CAPN1: variants seen among roughly 807,000 people sequenced by gnomAD.
CAPN1 encodes the protein calpain 1, also known as calpain-1 catalytic subunit.
Under a neutral mutation model 105.2 loss-of-function variants are expected in CAPN1, and 77 were observed. That is an observed-to-expected ratio of 0.73 (90% CI 0.61 to 0.88). CAPN1 has a LOEUF of 0.88. CAPN1 is among the 40% of genes least tolerant of loss of function. The pLI, the probability that CAPN1 is intolerant of heterozygous loss-of-function variation, is 0.00. For missense variants in CAPN1, 833 were observed against 976.6 expected (o/e 0.85, Z 1.96); for synonymous variants, 355 against 388.8 (o/e 0.91, Z 1.02).
intron 12 of CAPN1, 175 bp downstream of exon 12, chr11:65,205,896 G>C: frequency 1.5e-6 from 1 of 648,692 alleles, no homozygotes; most frequent in Non-Finnish European, 2.8e-6. Flanking sequence ...GCTCTCCTGA[G>C]GGTCAGCACA....
Position 65,208,669 on chromosome 11 carries a change from C to G in CAPN1, c.1729+407C>G, listed in dbSNP as rs1439332250. ...TGGCATGCACCTATAGTCCCAGCTA[C>G]TCAGGAGGCTGAGTTGGGAGGATGG... On this transcript the variant is annotated intron_variant, in intron 16 of 21. Coordinates refer to ENST00000279247, the MANE Select transcript of CAPN1 (RefSeq NM_005186.4). The surrounding 1 kb of genome is among the most constrained non-coding windows in gnomAD (Gnocchi z 4.1). 3.3e-6 allele frequency: 1 copy of G among 303,176 alleles called. No homozygotes were observed. The highest frequency in any genetic ancestry group is 6.4e-6 in the Non-Finnish European group (1 of 155,396). The allele number at this position is 303,176 out of a possible 1,614,324, so 18.8% of individuals were successfully genotyped here. A position where few individuals can be genotyped will look rare whatever the true frequency, so the allele number is the denominator to read the frequency against.
At position 65,188,212 on chromosome 11, in the gene CAPN1, CCT is replaced by C. The variant is rs1397205516; in HGVS notation, c.929+173_929+174del. 10 of 687,278 alleles carry C rather than the reference CCT, an allele frequency of 1.5e-5. No individual in the cohort carries two copies. The East Asian group carries it at 2.2e-4, about 15-fold the overall frequency. The allele number at this position is 687,278 out of a possible 1,614,324, so 42.6% of individuals were successfully genotyped here. A position where few individuals can be genotyped will look rare whatever the true frequency, so the allele number is the denominator to read the frequency against. ...TGACAAAGCTCAGGCCGTGCGGGCC[CCT>C]GTGCCCAGCCGTCGGGTGTGTGCAG... On this transcript the variant is annotated intron_variant, in intron 8 of 21. Coordinates refer to ENST00000279247, the MANE Select transcript of CAPN1 (RefSeq NM_005186.4). This position sits in a 1 kb window ranked among gnomAD's most constrained non-coding sequence, Gnocchi z 5.5.
chr11:65,186,299 G>A lies in CAPN1; in HGVS notation c.720G>A (p.Lys240=). The A allele has an allele frequency of 6.2e-7, 1 of 1,613,460 alleles. No homozygotes were observed. Among genetic ancestry groups the A allele is most frequent in the Non-Finnish European group, 8.5e-7 (1 of 1,179,646 alleles). ...GTGACCTCTACCAGATCATCCTCAA[G>A]GCGCTGGAGCGGGGCTCCCTGCTGG... ...APSDLYQIIL[K]ALERGSLLGC... is the part of the protein sequence containing the mutation. The change falls in exon 6 of 22, where the codon AAG becomes AAA. Residue 240 remains lysine, a synonymous_variant. Transcript: ENST00000279247.
chr11:65,184,798 G>C (rs1192509556), intron 4 of CAPN1, among the ~76,000 whole-genome samples: 3 of 152,112 alleles, frequency 2.0e-5, no homozygotes, highest in South Asian at 2.1e-4. Flanking sequence ...CCACCTCTCC[G>C]TGCCTGAGGA....
At chr11:65,189,256 G>A (rs1337285168) in intron 10 of CAPN1, among the ~76,000 whole-genome samples, 1 of 152,160 alleles carries the variant, frequency 6.6e-6, no homozygotes, top group Non-Finnish European at 1.5e-5. Flanking sequence ...CCTGACCTCA[G>A]GTGATCCGAC....
chr11:65,199,652 C>G (rs2137363826), intron 10 of CAPN1, among the ~76,000 whole-genome samples: 1 of 152,310 alleles, frequency 6.6e-6, no homozygotes, highest in African/African-American at 2.4e-5. Context: ...GTTGTTCCTT[C>G]AGCTCCTTTC....
At chr11:65,205,585 C>T in intron 11 of CAPN1, 125 bp from the exon 12 acceptor site, 1 of 917,886 alleles carries the variant, frequency 1.1e-6, no homozygotes, top group East Asian at 2.4e-5. Flanking sequence ...GTCCCCAGGG[C>T]CCTGCCTTCT....
At chr11:65,183,310 C>A in intron 3 of CAPN1, 113 bp downstream of exon 3, 4 of 1,193,002 alleles carry the variant, frequency 3.4e-6, no homozygotes, top group South Asian at 1.3e-5. Flanking sequence ...CAGGATCTGG[C>A]TATCAGCGCT....
In CAPN1 at chr11:65,206,507, G is replaced by A. The variant is rs1315703802; in HGVS notation, c.1398G>A (p.Leu466=). 1 of 1,613,392 alleles carries A rather than the reference G, an allele frequency of 6.2e-7. No homozygotes were observed. The highest frequency in any genetic ancestry group is 8.5e-7 in the Non-Finnish European group (1 of 1,179,874). The part of the protein sequence containing the change: ...PAVHLKRDFF[L]ANASRARSEQ... ...TACACTTGAAGCGTGACTTCTTCCT[G>A]GCCAATGCGTCTCGGGCGCGCTCAG... Residue 466 remains leucine, a synonymous_variant, in exon 13 of 22, where the codon CTG becomes CTA. Coordinates refer to ENST00000279247, the MANE Select transcript of CAPN1 (RefSeq NM_005186.4).
chr11:65,200,694 G>A (rs1040236759), intron 10 of CAPN1, among the ~76,000 whole-genome samples: 1 of 152,040 alleles, frequency 6.6e-6, no homozygotes, highest in Non-Finnish European at 1.5e-5. Flanking sequence ...AGGTTGGAGT[G>A]CAGTGGTGCA....
intron 1 of CAPN1, 163 bp from the exon 2 acceptor site, chr11:65,182,538 G>C (rs1006322612): frequency 1.5e-6 from 1 of 670,156 alleles, no homozygotes; most frequent in Non-Finnish European, 2.4e-6. Flanking sequence ...GGGAGCACCG[G>C]GAGGTGGCTG....
At position 65,208,781 on chromosome 11, in the gene CAPN1, A is replaced by G. The variant is rs1038723554; in HGVS notation, c.1729+519A>G. On this transcript the variant is annotated intron_variant, in intron 16 of 21. Transcript: ENST00000279247. The surrounding 1 kb of genome is among the most constrained non-coding windows in gnomAD (Gnocchi z 4.1). ...GGCAACAGAGCAAGACCCTGTCTCA[A>G]AAAAAAAAGCAGGAGCAGCACCTTA... 9.6e-6 allele frequency: 2 copies of G among 208,824 alleles called. No homozygotes were observed. Among genetic ancestry groups the G allele is most frequent in the African/African-American group, 4.6e-5 (2 of 43,124 alleles). 12.9% of individuals were successfully genotyped at this position (208,824 alleles called of 1,614,324 possible).
intron 2 of CAPN1, 29 bp from the exon 3 acceptor site, chr11:65,183,099 C>T (rs757635396): frequency 8.1e-6 from 13 of 1,613,100 alleles, no homozygotes; most frequent in Admixed American, 1.7e-5. Context: ...AGGGGCTGGC[C>T]GAGGAACAGG....
At chr11:65,190,061 A>C (rs1016179732) in intron 10 of CAPN1, among the ~76,000 whole-genome samples, 3 of 152,156 alleles carry the variant, frequency 2.0e-5, no homozygotes, top group African/African-American at 4.8e-5. Context: ...CGTCTGCTCC[A>C]GATCCCATTC....
In CAPN1 at chr11:65,186,018, C is replaced by G. The variant is rs915323030; in HGVS notation, c.558C>G (p.Phe186Leu). The G allele has an allele frequency of 1.2e-6, 2 of 1,610,882 alleles. No individual in the cohort carries two copies. Among genetic ancestry groups the G allele is most frequent in the Admixed American group, 1.7e-5 (1 of 59,470 alleles). The part of the protein sequence containing the change: ...VFVHSAEGNE[F>L]WSALLEKAYA... ...TGCACTCTGCCGAAGGCAACGAGTT[C>G]TGGAGCGCCCTGCTTGAGAAGGCCT... Residue 186 changes from phenylalanine (F) to leucine (L), a missense_variant, in exon 5 of 22, where the codon TTC becomes TTG. Coordinates refer to ENST00000279247, the MANE Select transcript of CAPN1 (RefSeq NM_005186.4).
At chr11:65,192,407 A>G (rs1436202821) in intron 10 of CAPN1, among the ~76,000 whole-genome samples, 2 of 152,146 alleles carry the variant, frequency 1.3e-5, no homozygotes, top group African/African-American at 4.8e-5. Context: ...GGTGGGAAGT[A>G]TCCTCTCTTT....
At chr11:65,202,414 TATTA>T (rs1366111995) in intron 10 of CAPN1, among the ~76,000 whole-genome samples, 1 of 152,124 alleles carries the variant, frequency 6.6e-6, no homozygotes, top group African/African-American at 2.4e-5. Context: ...TACTGAAGTA[TATTA>T]CGATTTTATT....
In CAPN1 at chr11:65,206,726, C is replaced by G. The variant is rs377200198; in HGVS notation, c.1565+52C>G. 3.1e-6 allele frequency: 5 copies of G among 1,610,808 alleles called. No individual in the cohort carries two copies. In the African/African-American group the frequency reaches 6.7e-5, roughly 21 times the overall value. On this transcript the variant is annotated intron_variant, in intron 13 of 21. Transcript: ENST00000279247. ...TCTCCCCTCTCCCAGCCTCCCCTCTCAGGCCCTCTGCTGTCCCCCTCTGAC... is the reference window on the plus strand; with the variant it reads ...TCTCCCCTCTCCCAGCCTCCCCTCTGAGGCCCTCTGCTGTCCCCCTCTGAC...
chr11:65,209,884 C>T lies in CAPN1; in HGVS notation c.1830C>T (p.Phe610=). ...ATGGGAAGCTGGGCCTGGTGGAGTT[C>T]AACATCCTGTGGAACCGCATCCGGA... The part of the protein sequence containing the change: ...DGNGKLGLVE[F]NILWNRIRNY... The change falls in exon 18 of 22, where the codon TTC becomes TTT. Residue 610 remains phenylalanine, a synonymous_variant. Coordinates refer to ENST00000279247, the MANE Select transcript of CAPN1 (RefSeq NM_005186.4). The surrounding 1 kb of genome is among the most constrained non-coding windows in gnomAD (Gnocchi z 4.1). The T allele has an allele frequency of 6.2e-7, 1 of 1,613,710 alleles. No homozygotes were observed.
Sources: gnomAD v4.1 joint callset for allele counts (sites outside exome capture counted in the v4.1 genomes callset) on GRCh38, gnomAD v4.1.1 for gene constraint, Gnocchi (gnomAD v3.1) non-coding constraint, MANE v1.5 for transcripts, NCBI Gene and HGNC (gene_info 2026-07-23, HGNC 2026-07-21) for gene names.